Variants in MCM8 observed in about 807,000 individuals in gnomAD.
MCM8 encodes minichromosome maintenance 8 homologous recombination repair factor.
A neutral mutation model predicts 98.9 loss-of-function variants in MCM8; 85 were observed. The ratio of observed to expected loss-of-function variants is 0.86; its 90% CI spans 0.72 to 1.03. MCM8 has a LOEUF of 1.03. Among genes scored for constraint, MCM8 ranks in the 50% least tolerant of loss-of-function variants. MCM8 has a pLI of 0.00. For missense variants in MCM8, 951 were observed against 997.8 expected, an observed-to-expected ratio of 0.95 and a Z score of 0.63; for synonymous variants, 352 against 338.6, an observed-to-expected ratio of 1.04 and a Z score of -0.44.
intron 3 of MCM8, among the ~76,000 whole-genome samples, chr20:5,953,916 A>G (rs2088902536): frequency 6.6e-6 from 1 of 151,918 alleles, no homozygotes; most frequent in African/African-American, 2.4e-5. Flanking sequence ...GTTTTTTTCC[A>G]TCAATAGAAT....
At chr20:5,972,839 C>G in intron 11 of MCM8, 2 of 1,362,746 alleles carry the variant, frequency 1.5e-6, no homozygotes, top group Non-Finnish European at 1.9e-6. Flanking sequence ...TTAGTAATTT[C>G]TAAGATAGCT....
At chr20:5,982,847 T>C in intron 13 of MCM8, 123 bp from the exon 14 acceptor site, 1 of 805,434 alleles carries the variant, frequency 1.2e-6, no homozygotes, top group Non-Finnish European at 1.9e-6. Flanking sequence ...TTGTATGACA[T>C]TTTATAATTT....
At chr20:5,972,255 AGT>A (rs982491665) in intron 11 of MCM8, among the ~76,000 whole-genome samples, 7 of 151,338 alleles carry the variant, frequency 4.6e-5, no homozygotes, top group Admixed American at 4.6e-4. Flanking sequence ...CCCAGGCTAG[AGT>A]GTGATGGCAC....
At chr20:5,983,796 T>A (rs907963226) in intron 14 of MCM8, among the ~76,000 whole-genome samples, 22 of 152,166 alleles carry the variant, frequency 1.4e-4, no homozygotes, top group Admixed American at 1.4e-3. Context: ...GCACATTCTG[T>A]TTGTTATAGC....
At chr20:5,961,102 A>G (rs896554576) in intron 7 of MCM8, among the ~76,000 whole-genome samples, 14 of 152,162 alleles carry the variant, frequency 9.2e-5, no homozygotes, top group African/African-American at 3.4e-4. Context: ...TAAGCTGGGC[A>G]TGGTGGCATA....
Position 5,994,474 on chromosome 20 carries a change from GACAGACACACACAC to G in MCM8, c.*87_*100del, listed in dbSNP as rs1417670127. ...GAAGATATGCGTGCACGCACAGACAGACAGACACACACACACACACACACACACACACACACACA... is the reference window on the plus strand; with the variant it reads ...GAAGATATGCGTGCACGCACAGACAGACACACACACACACACACACACACA... On this transcript the variant is annotated 3_prime_UTR_variant, in exon 19 of 19. Coordinates refer to ENST00000610722, the MANE Select transcript of MCM8 (RefSeq NM_032485.6). 98 of 527,312 alleles carry G rather than the reference GACAGACACACACAC, an allele frequency of 1.9e-4. No individual in the cohort carries two copies. The East Asian group carries it at 3.0e-3, about 16-fold the overall frequency. 32.7% of individuals were successfully genotyped at this position (527,312 alleles called of 1,614,324 possible).
intron 14 of MCM8, among the ~76,000 whole-genome samples, chr20:5,983,826 C>A (rs183294373): frequency 6.6e-6 from 1 of 152,332 alleles, no homozygotes; most frequent in East Asian, 1.9e-4. Flanking sequence ...TTTAGGACTA[C>A]TGTTCACAGA....
intron 2 of MCM8, 93 bp downstream of exon 2, chr20:5,952,256 C>A: frequency 6.4e-7 from 1 of 1,567,994 alleles, no homozygotes; most frequent in Non-Finnish European, 8.6e-7. Context: ...TTCAGTTTGT[C>A]TTTTATTTCA....
intron 17 of MCM8, chr20:5,990,954 GC>G (rs1411162299): frequency 6.6e-6 from 1 of 152,126 alleles, no homozygotes; most frequent in Non-Finnish European, 1.5e-5. Flanking sequence ...ATGATCTCTG[GC>G]CCTCTGGGTC....
At chr20:5,972,669 C>A in intron 11 of MCM8, 1 of 1,000,328 alleles carries the variant, frequency 1.0e-6, no homozygotes, top group Non-Finnish European at 1.4e-6. Context: ...GTTCTCCCAC[C>A]TCAGCCTGCC....
intron 7 of MCM8, among the ~76,000 whole-genome samples, chr20:5,962,875 G>C (rs746138012): frequency 1.3e-5 from 2 of 152,156 alleles, no homozygotes; most frequent in Non-Finnish European, 2.9e-5. Context: ...GAGAAAGCTG[G>C]GGATTAAAGA....
In MCM8 at chr20:5,962,605, A is replaced by G. The variant is rs1219168320; in HGVS notation, c.790-669A>G. 6.0e-5 allele frequency among the ~76,000 whole-genome samples: 4 copies of G among 67,208 alleles called. 2 individuals carry two copies. The African/African-American group carries it at 1.6e-3, about 26-fold the overall frequency. 44.1% of individuals were successfully genotyped at this position (67,208 alleles called of 152,430 possible). On this transcript the variant is annotated intron_variant, in intron 7 of 18. Coordinates refer to ENST00000610722, the MANE Select transcript of MCM8 (RefSeq NM_032485.6). Reference sequence around the variant, plus strand: ...TAGCCAGGATGGTCTCGATCTCCCGACCTCATGATCCACCCGCCTCGGCCT... The same window carrying G: ...TAGCCAGGATGGTCTCGATCTCCCGGCCTCATGATCCACCCGCCTCGGCCT...
chr20:5,968,450 T>G (rs1014692518), intron 10 of MCM8, among the ~76,000 whole-genome samples: 2 of 151,914 alleles, frequency 1.3e-5, no homozygotes, highest in Non-Finnish European at 2.9e-5. Flanking sequence ...GAGGCTGAAG[T>G]GAAGAATCAC....
At chr20:5,955,561 G>A (rs960880552) in intron 5 of MCM8, among the ~76,000 whole-genome samples, 3 of 152,028 alleles carry the variant, frequency 2.0e-5, no homozygotes, top group African/African-American at 7.2e-5. Context: ...AATCTCATAG[G>A]GAAGATAAAA....
rs1210137907 is a variant in MCM8 at position 5,998,107 on chromosome 20, CAATATT to C, written c.*3717_*3722del. Reference sequence around the variant, plus strand: ...TGTTGTTATACAGAAGAATATTAAACAATATTCATATATTGTTTATGAATGCATTGA... The same window carrying C: ...TGTTGTTATACAGAAGAATATTAAACCATATATTGTTTATGAATGCATTGA... On this transcript the variant is annotated 3_prime_UTR_variant, in exon 19 of 19. Coordinates refer to ENST00000610722, the MANE Select transcript of MCM8 (RefSeq NM_032485.6). 1 of 152,028 alleles carries C rather than the reference CAATATT, an allele frequency of 6.6e-6. No homozygotes were observed. The highest frequency in any genetic ancestry group is 1.9e-4 in the East Asian group (1 of 5,200). 9.4% of individuals were successfully genotyped at this position (152,028 alleles called of 1,614,324 possible).
intron 17 of MCM8, among the ~76,000 whole-genome samples, chr20:5,990,182 C>T (rs546548889): frequency 3.7e-4 from 57 of 152,070 alleles, no homozygotes; most frequent in Non-Finnish European, 6.6e-4. Context: ...TCAAGCGATT[C>T]TCCTGCCTCA....
chr20:5,960,808 G>A lies in MCM8; in HGVS notation c.789+2082G>A, dbSNP rs372983837. 6.0e-4 allele frequency among the ~76,000 whole-genome samples: 92 copies of A among 152,242 alleles called. No individual in the cohort carries two copies. In the South Asian group the frequency reaches 0.018, roughly 31 times the overall value. ...AAATTAGCCAGACGTGGTGGCACATGCCTGTAATCCAAGCTACTCGGGAGG... is the reference window on the plus strand; with the variant it reads ...AAATTAGCCAGACGTGGTGGCACATACCTGTAATCCAAGCTACTCGGGAGG... On this transcript the variant is annotated intron_variant, in intron 7 of 18. Coordinates refer to ENST00000610722, the MANE Select transcript of MCM8 (RefSeq NM_032485.6).
At chr20:5,973,752 T>C (rs1388164694) in intron 12 of MCM8, among the ~76,000 whole-genome samples, 1 of 152,118 alleles carries the variant, frequency 6.6e-6, no homozygotes, top group Non-Finnish European at 1.5e-5. Context: ...CCTCCCACTT[T>C]TAAGCAATCC....
chr20:5,951,944 A>G (rs1376501315), intron 1 of MCM8, 67 bp from the exon 2 acceptor site: 1 of 1,504,848 alleles, frequency 6.6e-7, no homozygotes, highest in Non-Finnish European at 8.9e-7. Flanking sequence ...CTTTTTATTA[A>G]TACATTTTTA....
Sources: gnomAD v4.1 joint callset for allele counts (sites outside exome capture counted in the v4.1 genomes callset) on GRCh38, gnomAD v4.1.1 for gene constraint, MANE v1.5 for transcripts, NCBI Gene and HGNC (gene_info 2026-07-23, HGNC 2026-07-21) for gene names.